Variants in SOD2 observed in about 807,000 individuals in gnomAD.
SOD2 encodes the protein superoxide dismutase 2.
A neutral mutation model predicts 27.0 loss-of-function variants in SOD2; 11 were observed. That is an observed-to-expected ratio of 0.41 (90% confidence interval 0.26 to 0.67). The LOEUF (loss-of-function observed/expected upper bound fraction) is 0.67, where lower values mean the gene tolerates loss of function less well. Ranked by LOEUF, SOD2 falls within the 30% of genes least tolerant of loss-of-function variation. The pLI is 0.34. For synonymous variants in SOD2, 105 were observed against 103.0 expected (o/e 1.02, Z -0.12); for missense variants, 250 against 274.5 (o/e 0.91, Z 0.63).
chr6:159,762,145 G>A (rs765922785), exon 1 of SOD2: 1 of 1,610,996 alleles, frequency 6.2e-7, no homozygotes, highest in Admixed American at 1.7e-5. Context: ...CATCATAGGT[G>A]AGTGGCCGGC....
chr6:159,727,550 G>A (rs1334822028), upstream of SOD2: 1 of 989,160 alleles, frequency 1.0e-6, no homozygotes, highest in Non-Finnish European at 1.2e-6. Context: ...CAAATAAAGG[G>A]GAGCGCAGGG....
intron 1 of SOD2, among the ~76,000 whole-genome samples, chr6:159,756,899 T>A (rs1780022157): frequency 6.6e-6 from 1 of 152,208 alleles, no homozygotes; most frequent in Admixed American, 6.5e-5. Context: ...CTACAGCTCC[T>A]GGCCCTTTTT....
At chr6:159,693,022 C>G in intron 1 of SOD2, 123 bp downstream of exon 1, 1 of 1,420,706 alleles carries the variant, frequency 7.0e-7, no homozygotes, top group South Asian at 1.4e-5. Context: ...CCCGGGAGAA[C>G]CGCCTGCAGG....
intron 2 of SOD2, chr6:159,691,060 G>A (rs1777170915): frequency 6.6e-6 from 1 of 152,022 alleles, no homozygotes; most frequent in Non-Finnish European, 1.5e-5. Context: ...AGCTCTGCAG[G>A]TACTCAATCA....
At chr6:159,734,667 A>C (rs879341729) in intron 1 of SOD2, among the ~76,000 whole-genome samples, 5 of 152,140 alleles carry the variant, frequency 3.3e-5, no homozygotes, top group Non-Finnish European at 7.4e-5. Flanking sequence ...GAATAGGAAA[A>C]ACTAAATTAG....
chr6:159,733,641 A>T (rs557045885), intron 1 of SOD2, among the ~76,000 whole-genome samples: 2 of 151,542 alleles, frequency 1.3e-5, no homozygotes, highest in Admixed American at 1.3e-4. Context: ...AAAGCCCAGC[A>T]CGCTGGCTCA....
chr6:159,713,149 G>T, intron 1 of SOD2: 1 of 1,236,194 alleles, frequency 8.1e-7, no homozygotes, highest in Non-Finnish European at 1.1e-6. Context: ...TGGTGCTCTG[G>T]AAACTGGACC....
intron 1 of SOD2, among the ~76,000 whole-genome samples, chr6:159,750,255 T>C (rs1237658017): frequency 6.6e-6 from 1 of 152,238 alleles, no homozygotes; most frequent in African/African-American, 2.4e-5. Context: ...TAGTAGATTT[T>C]AGTAGAAGAG....
chr6:159,753,217 G>A (rs933547773), intron 1 of SOD2: 22 of 500,466 alleles, frequency 4.4e-5, no homozygotes, highest in South Asian at 1.5e-4. Flanking sequence ...GATTATTGAT[G>A]TAATAGAAAC....
intron 1 of SOD2, among the ~76,000 whole-genome samples, chr6:159,710,300 A>C (rs1267061411): frequency 1.4e-5 from 2 of 147,676 alleles, no homozygotes; most frequent in East Asian, 1.9e-4. Flanking sequence ...AAATACAAAA[A>C]TTAGCTGGGC....
At chr6:159,739,241 A>AT (rs1779098938) in intron 1 of SOD2, among the ~76,000 whole-genome samples, 1 of 152,230 alleles carries the variant, frequency 6.6e-6, no homozygotes, top group Non-Finnish European at 1.5e-5. Context: ...AAGAACTACT[A>AT]GGAAGCTATA....
At chr6:159,758,379 C>T (rs1780058296) in intron 1 of SOD2, among the ~76,000 whole-genome samples, 2 of 152,168 alleles carry the variant, frequency 1.3e-5, no homozygotes, top group Non-Finnish European at 2.9e-5. Context: ...CCTGGTAGTC[C>T]TCATACAGAG....
rs763455003 is a variant in SOD2, at chr6:159,720,847, C to CTTTTTTTTTT, written c.-116+6272_-116+6281dup. Among the ~76,000 whole-genome samples, 9 of 59,962 alleles carry CTTTTTTTTTT rather than the reference C, an allele frequency of 1.5e-4. 2 individuals carry two copies. Among genetic ancestry groups the CTTTTTTTTTT allele is most frequent in the Non-Finnish European group, 2.1e-4 (7 of 33,926 alleles). The allele number at this position is 59,962 out of a possible 152,430, so 39.3% of individuals were successfully genotyped here. A position where few individuals can be genotyped will look rare whatever the true frequency, so the allele number is the denominator to read the frequency against. On this transcript the variant is annotated intron_variant, in intron 1 of 2. Coordinates refer to the SOD2 transcript ENST00000401980. Reference sequence around the variant, plus strand: ...CACTATACAGGTGTATTTTCTTTACCTTTTTTTTTTTTTTTTTTTTTTTTT... The same window carrying CTTTTTTTTTT: ...CACTATACAGGTGTATTTTCTTTACCTTTTTTTTTTTTTTTTTTTTTTTTTTTTTTTTTTT...
At chr6:159,732,829 G>A (rs1188726517) in intron 1 of SOD2, among the ~76,000 whole-genome samples, 1 of 151,294 alleles carries the variant, frequency 6.6e-6, no homozygotes, top group Admixed American at 6.6e-5. Context: ...AGGGGGAGGG[G>A]GAGTGTCTCT....
In SOD2 at chr6:159,671,746, G is replaced by A. The variant is rs573004089; in HGVS notation, c.*10747C>T. 6.6e-6 allele frequency: 1 copy of A among 152,330 alleles called. No individual in the cohort carries two copies. The highest frequency in any genetic ancestry group is 2.4e-5 in the African/African-American group (1 of 41,562). 9.4% of individuals were successfully genotyped at this position (152,330 alleles called of 1,614,324 possible). On this transcript the variant is annotated 3_prime_UTR_variant, in exon 5 of 5. Coordinates refer to ENST00000538183, the MANE Select transcript of SOD2 (RefSeq NM_000636.4). Reference sequence around the variant, plus strand: ...AACAGAACAAAGCTGGACGGAGAATGACTTTGACGAGTTGAGAGAAGAAGG... The same window carrying A: ...AACAGAACAAAGCTGGACGGAGAATAACTTTGACGAGTTGAGAGAAGAAGG...
intron 1 of SOD2, among the ~76,000 whole-genome samples, chr6:159,719,727 T>C (rs1777993053): frequency 1.6e-5 from 1 of 62,966 alleles, no homozygotes; most frequent in South Asian, 7.8e-4. Flanking sequence ...TTTTCTTTTA[T>C]TTTCTTTTTT....
At position 159,679,140 on chromosome 6, in the gene SOD2, T is replaced by C. The variant is rs1198934975; in HGVS notation, c.*3353A>G. On this transcript the variant is annotated 3_prime_UTR_variant, in exon 5 of 5. Transcript: ENST00000538183. ...CTTTGATGGTTGACAGATTCTTTTA[T>C]TAACAGTCAAAAACTTCACACAATT... The C allele has an allele frequency of 6.6e-6, 1 of 152,232 alleles. No homozygotes were observed. The highest frequency in any genetic ancestry group is 1.5e-5 in the Non-Finnish European group (1 of 68,042). The allele number at this position is 152,232 out of a possible 1,614,324, so 9.4% of individuals were successfully genotyped here. A position where few individuals can be genotyped will look rare whatever the true frequency, so the allele number is the denominator to read the frequency against.
At chr6:159,721,071 TTTAA>T (rs1173354326) in intron 1 of SOD2, among the ~76,000 whole-genome samples, 2 of 150,946 alleles carry the variant, frequency 1.3e-5, no homozygotes, top group East Asian at 3.9e-4. Flanking sequence ...ATTTATATTT[TTTAA>T]TTTTTTTTTT....
intron 1 of SOD2, chr6:159,713,555 G>C: frequency 1.3e-6 from 1 of 756,584 alleles, no homozygotes; most frequent in Non-Finnish European, 2.3e-6. Flanking sequence ...CTTCTGCCCT[G>C]AAAGTCCACT....
Sources: gnomAD v4.1 joint callset for allele counts (sites outside exome capture counted in the v4.1 genomes callset) on GRCh38, gnomAD v4.1.1 for gene constraint, MANE v1.5 for transcripts, NCBI Gene and HGNC (gene_info 2026-07-23, HGNC 2026-07-21) for gene names.